Variants in ZNF813 observed in about 807,000 individuals in gnomAD.
ZNF813 encodes zinc finger protein 813.
In ZNF813, 3 loss-of-function variants were observed where a neutral mutation model predicts 7.2. The observed-to-expected ratio is 0.42, with a 90% CI of 0.19 to 1.08. ZNF813 has a LOEUF of 1.08. Ranked by LOEUF, ZNF813 falls within the 50% of genes least tolerant of loss-of-function variation. ZNF813 has a pLI of 0.30. For synonymous variants in ZNF813, 227 were observed against 256.3 expected (o/e 0.89, Z 1.09); for missense variants, 714 against 753.3 (o/e 0.95, Z 0.61).
At chr19:53,476,027 C>G (rs948681626) in intron 1 of ZNF813, among the ~76,000 whole-genome samples, 93 of 152,214 alleles carry the variant, frequency 6.1e-4, no homozygotes, top group Non-Finnish European at 1.3e-4. Context: ...CTAAAAATTC[C>G]TATTTGACGT....
rs2086474404 is a variant in ZNF813, at chr19:53,493,739, A to C, written c.*1653A>C. 1 of 152,216 alleles carries C rather than the reference A, an allele frequency of 6.6e-6. No individual in the cohort carries two copies. The highest frequency in any genetic ancestry group is 2.4e-5 in the African/African-American group (1 of 41,454). 9.4% of individuals were successfully genotyped at this position (152,216 alleles called of 1,614,324 possible). The stretch of plus-strand genomic sequence containing the variant: ...ACAGAAGATCATGTCATCTACAAAC[A>C]CATATAATTTTACTTCTTTCTTTCT... On this transcript the variant is annotated 3_prime_UTR_variant, in exon 4 of 4. Transcript: ENST00000396403.
At chr19:53,485,410 C>A (rs2147160579) in intron 2 of ZNF813, among the ~76,000 whole-genome samples, 1 of 152,292 alleles carries the variant, frequency 6.6e-6, no homozygotes, top group East Asian at 1.9e-4. Context: ...ACATATACAT[C>A]TCCATACATA....
intron 3 of ZNF813, among the ~76,000 whole-genome samples, chr19:53,489,233 C>T (rs1216178196): frequency 6.6e-6 from 1 of 152,088 alleles, no homozygotes; most frequent in African/African-American, 2.4e-5. Flanking sequence ...TCTCGAACTC[C>T]TGACCTCAGG....
chr19:53,478,499 A>G (rs1381010921), intron 1 of ZNF813, among the ~76,000 whole-genome samples: 1 of 152,148 alleles, frequency 6.6e-6, no homozygotes, highest in Admixed American at 6.5e-5. Context: ...AGGGGACATC[A>G]AAACGTGGTG....
chr19:53,483,584 G>A (rs949977199), intron 1 of ZNF813, among the ~76,000 whole-genome samples, 166 bp from the exon 2 acceptor site: 6 of 152,160 alleles, frequency 3.9e-5, no homozygotes, highest in Non-Finnish European at 7.4e-5. Context: ...GGGCTTCTCC[G>A]GGAGGGGAGT....
At chr19:53,475,297 A>C (rs1351908263) in intron 1 of ZNF813, among the ~76,000 whole-genome samples, 1 of 152,282 alleles carries the variant, frequency 6.6e-6, no homozygotes, top group East Asian at 1.9e-4. Context: ...CTGAGCCTCT[A>C]CTACTGAGTC....
At chr19:53,482,323 G>A (rs1938104320) in intron 1 of ZNF813, among the ~76,000 whole-genome samples, 2 of 152,156 alleles carry the variant, frequency 1.3e-5, no homozygotes, top group South Asian at 4.1e-4. Context: ...TCAGTCCCTG[G>A]CAGGGAACCC....
chr19:53,492,735 C>T lies in ZNF813; in HGVS notation c.*649C>T. 3 of 641,970 alleles carry T rather than the reference C, an allele frequency of 4.7e-6. No homozygotes were observed. Among genetic ancestry groups the T allele is most frequent in the South Asian group, 4.2e-5 (3 of 71,122 alleles). 39.8% of individuals were successfully genotyped at this position (641,970 alleles called of 1,614,324 possible). Reference sequence around the variant, plus strand: ...CAAGTGTAATAATCGGCAAATTTTTCAGACATCGTCCATACCTTGCAGTTC... The same window carrying T: ...CAAGTGTAATAATCGGCAAATTTTTTAGACATCGTCCATACCTTGCAGTTC... On this transcript the variant is annotated 3_prime_UTR_variant, in exon 4 of 4. Transcript: ENST00000396403.
chr19:53,488,632 C>T (rs1488893551), intron 3 of ZNF813, among the ~76,000 whole-genome samples: 1 of 150,310 alleles, frequency 6.7e-6, no homozygotes, highest in African/African-American at 2.5e-5. Context: ...TGGTGTTAGC[C>T]AGGATGGTCT....
chr19:53,493,565 G>A lies in ZNF813; in HGVS notation c.*1479G>A, dbSNP rs879633867. 5.3e-5 allele frequency: 8 copies of A among 151,636 alleles called. No homozygotes were observed. Among genetic ancestry groups the A allele is most frequent in the Non-Finnish European group, 1.0e-4 (7 of 67,868 alleles). The allele number at this position is 151,636 out of a possible 1,614,324, so 9.4% of individuals were successfully genotyped here. A position where few individuals can be genotyped will look rare whatever the true frequency, so the allele number is the denominator to read the frequency against. On this transcript the variant is annotated 3_prime_UTR_variant, in exon 4 of 4. Transcript: ENST00000396403. Reference sequence around the variant, plus strand: ...CTTACTTTAAGTTCTCTAGCAAATGGAAGTGTTTTTAAATTTTCTTTTAAA... The same window carrying A: ...CTTACTTTAAGTTCTCTAGCAAATGAAAGTGTTTTTAAATTTTCTTTTAAA...
chr19:53,493,207 A>T lies in ZNF813; in HGVS notation c.*1121A>T, dbSNP rs888667097. 3.4e-5 allele frequency: 6 copies of T among 177,722 alleles called. No individual in the cohort carries two copies. Among genetic ancestry groups the T allele is most frequent in the Non-Finnish European group, 5.9e-5 (5 of 84,088 alleles). 11.0% of individuals were successfully genotyped at this position (177,722 alleles called of 1,614,324 possible). ...GGAGTTTCAGATCAGTCTGGCCAAC[A>T]AACATGAGCCACTTTTCCCAGTTTG... On this transcript the variant is annotated 3_prime_UTR_variant, in exon 4 of 4. Transcript: ENST00000396403.
At position 53,491,750 on chromosome 19, in the gene ZNF813, G is replaced by A. The variant is rs2708845; in HGVS notation, c.1518G>A (p.Arg506=). 1,190,651 of 1,612,774 alleles carry A rather than the reference G, an allele frequency of 0.74. 441,171 individuals are homozygous for A. The highest frequency in any genetic ancestry group is 0.91 in the African/African-American group (68,293 of 74,880). Residue 506 remains arginine, a synonymous_variant, in exon 4 of 4, where the codon CGG becomes CGA. Transcript: ENST00000396403. ...KCNECGKGFN[R]KTHLACHHRL... ...ATGAATGTGGCAAGGGTTTTAATCG[G>A]AAAACACACCTTGCATGTCATCATA...
At position 53,492,141 on chromosome 19, in the gene ZNF813, T is replaced by C; in HGVS notation, c.*55T>C. 3.2e-6 allele frequency: 5 copies of C among 1,569,520 alleles called. No individual in the cohort carries two copies. Among genetic ancestry groups the C allele is most frequent in the Non-Finnish European group, 3.5e-6 (4 of 1,156,616 alleles). On this transcript the variant is annotated 3_prime_UTR_variant, in exon 4 of 4. Transcript: ENST00000396403. ...TCATACTGGAAAGAAACAAGTGCAA[T>C]GAGTGTGGCAAGACCTTCTGTCACA...
At chr19:53,480,889 T>C in intron 1 of ZNF813, among the ~76,000 whole-genome samples, 1 of 152,102 alleles carries the variant, frequency 6.6e-6, no homozygotes, top group East Asian at 1.9e-4. Context: ...GTCAAAGGAA[T>C]GAGAAAAGAC....
In ZNF813 at chr19:53,486,869, T is replaced by C. The variant is rs141636583; in HGVS notation, c.142+111T>C. ...TGTCACCCAGGGTGGAGTGAAATGG[T>C]GTGATCATGGCTCACTGCGATCTTG... On this transcript the variant is annotated intron_variant, in intron 3 of 3. Coordinates refer to ENST00000396403, the MANE Select transcript of ZNF813 (RefSeq NM_001004301.4). The C allele has an allele frequency of 7.0e-3, 10,898 of 1,562,472 alleles. 55 individuals carry two copies. Among genetic ancestry groups the C allele is most frequent in the Non-Finnish European group, 7.9e-3 (9,173 of 1,160,790 alleles).
At position 53,494,641 on chromosome 19, in the gene ZNF813, C is replaced by T. The variant is rs1190183327; in HGVS notation, c.*2555C>T. The T allele has an allele frequency of 4.6e-5, 1 of 21,854 alleles. No individual in the cohort carries two copies. The highest frequency in any genetic ancestry group is 1.5e-4 in the African/African-American group (1 of 6,686). 1.4% of individuals were successfully genotyped at this position (21,854 alleles called of 1,614,324 possible). The stretch of plus-strand genomic sequence containing the variant: ...CTGGTCAACAAGAGCGAAACTCTGT[C>T]TCAAAAAAAAAAAAAAGAAAAGAAA... On this transcript the variant is annotated 3_prime_UTR_variant, in exon 4 of 4. Transcript: ENST00000396403.
intron 3 of ZNF813, among the ~76,000 whole-genome samples, chr19:53,487,160 G>A (rs2147161719): frequency 6.6e-6 from 1 of 152,014 alleles, no homozygotes; most frequent in Admixed American, 6.6e-5. Context: ...ATGTCCTTAA[G>A]GCCAATATGA....
At position 53,479,870 on chromosome 19, in the gene ZNF813, G is replaced by A. The variant is rs2617685; in HGVS notation, c.-73-3880G>A. 2.9e-3 allele frequency: 2,958 copies of A among 1,031,690 alleles called. 29 individuals are homozygous for A. In the African/African-American group the frequency reaches 0.039, roughly 13 times the overall value. 63.9% of individuals were successfully genotyped at this position (1,031,690 alleles called of 1,614,324 possible). On this transcript the variant is annotated intron_variant, in intron 1 of 3. Coordinates refer to ENST00000396403, the MANE Select transcript of ZNF813 (RefSeq NM_001004301.4). The stretch of plus-strand genomic sequence containing the variant: ...CCTGAAGTGTCTGAGTGCAGCTGAA[G>A]AAAAGTACCCTCAAAAAGAAGACAA...
At chr19:53,489,711 T>C (rs190261245) in intron 3 of ZNF813, among the ~76,000 whole-genome samples, 1 of 152,336 alleles carries the variant, frequency 6.6e-6, no homozygotes, top group Non-Finnish European at 1.5e-5. Flanking sequence ...TATTAACTTT[T>C]ATTTTGAGAT....
Sources: allele counts gnomAD v4.1 joint callset (sites outside exome capture counted in the v4.1 genomes callset), GRCh38; gene constraint gnomAD v4.1.1; transcripts MANE v1.5; gene names NCBI Gene and HGNC (gene_info 2026-07-23, HGNC 2026-07-21).